Variants in DTNA observed in about 807,000 individuals in gnomAD.
The protein encoded by DTNA is dystrophin-related protein 3.
DTNA carries 43 observed loss-of-function variants against 100.7 expected under a neutral mutation model. The observed-to-expected ratio is 0.43, with a 90% CI of 0.33 to 0.55. The LOEUF (loss-of-function observed/expected upper bound fraction) is 0.55. DTNA is among the 20% of genes least tolerant of loss of function. The pLI, the probability that DTNA is intolerant of heterozygous loss-of-function variation, is 0.04. For synonymous variants in DTNA, 349 were observed against 347.9 expected (o/e 1.00, Z -0.04); for missense variants, 798 against 953.9 (o/e 0.84, Z 2.15).
At position 34,734,276 on chromosome 18, in the gene DTNA, AGGCTGAT is replaced by A. The variant is rs562837710; in HGVS notation, c.-1-21696_-1-21690del. 2.8e-3 allele frequency among the ~76,000 whole-genome samples: 426 copies of A among 152,254 alleles called. 2 individuals are homozygous for A. The highest frequency in any genetic ancestry group is 9.3e-3 in the African/African-American group (388 of 41,564). ...TTTATCTCTTCAGACAAAGGTCGAA[AGGCTGAT>A]GGCAGTATGGGTCAGGGAGGGGATG... On this transcript the variant is annotated intron_variant, in intron 1 of 22. Coordinates refer to ENST00000444659, the MANE Select transcript of DTNA (RefSeq NM_001386795.1).
At chr18:34,834,417 C>T (rs548091120) in intron 11 of DTNA, among the ~76,000 whole-genome samples, 2 of 151,750 alleles carry the variant, frequency 1.3e-5, no homozygotes, top group Non-Finnish European at 1.5e-5. Flanking sequence ...ACAGAAGAAT[C>T]GCTTGAACCC....
chr18:34,804,428 G>A (rs556224697), intron 4 of DTNA, among the ~76,000 whole-genome samples: 28 of 152,316 alleles, frequency 1.8e-4, no homozygotes, highest in Non-Finnish European at 3.1e-4. Context: ...GGTTATGACC[G>A]TGTTAAAGCA....
At chr18:34,612,071 G>A (rs888809777) in intron 1 of DTNA, among the ~76,000 whole-genome samples, 1 of 152,190 alleles carries the variant, frequency 6.6e-6, no homozygotes, top group Non-Finnish European at 1.5e-5. Flanking sequence ...GCAGCCAGCT[G>A]ACACGGGCCA....
At chr18:34,812,159 T>A in intron 6 of DTNA, 46 bp downstream of exon 6, 1 of 1,612,390 alleles carries the variant, frequency 6.2e-7, no homozygotes, top group South Asian at 1.1e-5. Flanking sequence ...CAAACAGTGG[T>A]TGCTCTCCTT....
At chr18:34,557,663 C>T (rs940043447) in intron 1 of DTNA, among the ~76,000 whole-genome samples, 2 of 151,756 alleles carry the variant, frequency 1.3e-5, no homozygotes, top group African/African-American at 4.8e-5. Flanking sequence ...GGGGGGGTGC[C>T]TCCCAGTTAG....
intron 1 of DTNA, among the ~76,000 whole-genome samples, chr18:34,513,262 G>A (rs929310864): frequency 2.6e-5 from 4 of 152,070 alleles, no homozygotes; most frequent in African/African-American, 9.7e-5. Flanking sequence ...AACACAAGCA[G>A]AAAGCTTAAT....
chr18:34,554,674 C>T (rs955655877), intron 1 of DTNA, among the ~76,000 whole-genome samples: 1 of 148,390 alleles, frequency 6.7e-6, no homozygotes, highest in African/African-American at 2.5e-5. Context: ...TGCTGGATTA[C>T]ATTTATTGAT....
chr18:34,608,392 T>C (rs1287378693), intron 1 of DTNA, among the ~76,000 whole-genome samples: 1 of 152,202 alleles, frequency 6.6e-6, no homozygotes, highest in East Asian at 1.9e-4. Context: ...CAATACTAAA[T>C]AATCCTATTA....
Position 34,793,959 on chromosome 18 carries a change from A to G in DTNA, c.149-78A>G, listed in dbSNP as rs756557566. 231 of 1,475,702 alleles carry G rather than the reference A, an allele frequency of 1.6e-4. 1 individual carries two copies. Among genetic ancestry groups the G allele is most frequent in the Non-Finnish European group, 2.0e-4 (213 of 1,073,834 alleles). The allele number at this position is 1,475,702 out of a possible 1,614,324, so 91.4% of individuals were successfully genotyped here. On this transcript the variant is annotated intron_variant, in intron 3 of 22. Coordinates refer to ENST00000444659, the MANE Select transcript of DTNA (RefSeq NM_001386795.1). ...ACATGTGAGATACCTAGAAAAAAAC[A>G]GGACAGAGGGTCATGTAAACTGATG... is the stretch of plus-strand genomic sequence containing the variant.
At chr18:34,627,389 T>G (rs563635780) in intron 1 of DTNA, among the ~76,000 whole-genome samples, 91 of 152,202 alleles carry the variant, frequency 6.0e-4, no homozygotes, top group African/African-American at 2.1e-3. Flanking sequence ...TCTCCACTGC[T>G]CCCTTTAGCC....
At chr18:34,721,873 A>G (rs1281812778) in intron 1 of DTNA, among the ~76,000 whole-genome samples, 2 of 152,178 alleles carry the variant, frequency 1.3e-5, no homozygotes, top group Non-Finnish European at 2.9e-5. Context: ...AGACATAAAA[A>G]ATACTCTTCC....
At chr18:34,714,738 C>T (rs2083627820) in intron 1 of DTNA, among the ~76,000 whole-genome samples, 1 of 152,110 alleles carries the variant, frequency 6.6e-6, no homozygotes, top group Non-Finnish European at 1.5e-5. Flanking sequence ...AATCATGCTG[C>T]TATAAAGACA....
chr18:34,667,219 C>G (rs1232501598), intron 1 of DTNA, among the ~76,000 whole-genome samples: 1 of 152,128 alleles, frequency 6.6e-6, no homozygotes, highest in Non-Finnish European at 1.5e-5. Context: ...ATTTGGCTCT[C>G]TGTTTGTCTG....
intron 4 of DTNA, among the ~76,000 whole-genome samples, chr18:34,803,756 G>A (rs9954244): frequency 0.15 from 22,777 of 152,156 alleles, 2,085 homozygotes; most frequent in African/African-American, 0.26. Flanking sequence ...GGACAGGAAT[G>A]CTTTTGAATA....
intron 1 of DTNA, among the ~76,000 whole-genome samples, chr18:34,742,629 T>TTCTATTACCTATCTAGATAGATAGATAA: frequency 7.3e-6 from 1 of 137,810 alleles, no homozygotes; most frequent in East Asian, 2.2e-4. Flanking sequence ...TCTGATTATC[T>TTCTATTACCTATCTAGATAGATAGATAA]TCTATTATCT....
intron 1 of DTNA, among the ~76,000 whole-genome samples, chr18:34,655,443 G>T (rs766541375): frequency 6.6e-6 from 1 of 152,120 alleles, no homozygotes; most frequent in Non-Finnish European, 1.5e-5. Context: ...GGAAATGGTG[G>T]CTAAAGGCAA....
chr18:34,642,635 T>C (rs1021337549), intron 1 of DTNA, among the ~76,000 whole-genome samples: 1 of 151,976 alleles, frequency 6.6e-6, no homozygotes, highest in Admixed American at 6.6e-5. Flanking sequence ...CTCGGCTCAC[T>C]GCGACCTCCG....
intron 1 of DTNA, among the ~76,000 whole-genome samples, chr18:34,730,682 A>G (rs1370605947): frequency 6.6e-6 from 1 of 152,180 alleles, no homozygotes; most frequent in Non-Finnish European, 1.5e-5. Context: ...GCTCAAACCA[A>G]TTCGAACCCT....
chr18:34,834,248 C>A (rs954133807), intron 11 of DTNA, among the ~76,000 whole-genome samples: 2 of 151,934 alleles, frequency 1.3e-5, no homozygotes, highest in African/African-American at 2.4e-5. Context: ...GTAATTCCAG[C>A]ACTTTGGGAG....
Sources: gnomAD v4.1 joint callset for allele counts (sites outside exome capture counted in the v4.1 genomes callset) on GRCh38, gnomAD v4.1.1 for gene constraint, MANE v1.5 for transcripts, NCBI Gene and HGNC (gene_info 2026-07-23, HGNC 2026-07-21) for gene names.